LRRTM4: variants seen among roughly 807,000 people sequenced by gnomAD.
The protein encoded by LRRTM4 is leucine rich repeat transmembrane neuronal 4.
A neutral mutation model predicts 47.6 loss-of-function variants in LRRTM4; 25 were observed. That is an observed-to-expected ratio of 0.53 (90% CI 0.38 to 0.73). The LOEUF is 0.73. LRRTM4 is among the 30% of genes least tolerant of loss of function. The pLI is 0.00. For synonymous variants in LRRTM4, 311 were observed against 269.5 expected (o/e 1.15, Z -1.51); for missense variants, 638 against 713.4 (o/e 0.89, Z 1.20).
At chr2:77,471,046 A>G (rs570843400) in intron 3 of LRRTM4, among the ~76,000 whole-genome samples, 2 of 152,008 alleles carry the variant, frequency 1.3e-5, no homozygotes, top group Non-Finnish European at 2.9e-5. Flanking sequence ...CTATGTATCT[A>G]TCTATCTATA....
intron 3 of LRRTM4, among the ~76,000 whole-genome samples, chr2:77,381,020 A>C (rs1339488013): frequency 6.6e-6 from 1 of 152,096 alleles, no homozygotes; most frequent in Non-Finnish European, 1.5e-5. Flanking sequence ...CCTGGTTGTT[A>C]CTATTATGAG....
At chr2:77,500,117 A>G (rs1678516720) in intron 3 of LRRTM4, among the ~76,000 whole-genome samples, 1 of 151,720 alleles carries the variant, frequency 6.6e-6, no homozygotes, top group Non-Finnish European at 1.5e-5. Flanking sequence ...CCTGCAGAAG[A>G]GTCTTCCTAT....
intron 3 of LRRTM4, among the ~76,000 whole-genome samples, chr2:77,480,827 GA>G (rs1677664519): frequency 1.4e-4 from 7 of 51,416 alleles, no homozygotes; most frequent in Non-Finnish European, 2.8e-4. Flanking sequence ...TGTGTGGAGA[GA>G]GAGAGAGAGA....
At chr2:77,282,689 G>A in intron 3 of LRRTM4, among the ~76,000 whole-genome samples, 1 of 151,762 alleles carries the variant, frequency 6.6e-6, no homozygotes, top group East Asian at 1.9e-4. Flanking sequence ...AAAATAAGTT[G>A]AACACCTACA....
chr2:77,114,908 G>A (rs1434591774), intron 3 of LRRTM4, among the ~76,000 whole-genome samples: 1 of 152,126 alleles, frequency 6.6e-6, no homozygotes, highest in East Asian at 1.9e-4. Context: ...GTCCCGCTGT[G>A]CATGCATTGT....
At chr2:77,351,980 T>A (rs1373165193) in intron 3 of LRRTM4, among the ~76,000 whole-genome samples, 1 of 152,120 alleles carries the variant, frequency 6.6e-6, no homozygotes, top group Non-Finnish European at 1.5e-5. Context: ...ATTAATGAAG[T>A]CACCTTCATC....
At chr2:77,475,914 T>C (rs1179545203) in intron 3 of LRRTM4, among the ~76,000 whole-genome samples, 1 of 152,000 alleles carries the variant, frequency 6.6e-6, no homozygotes, top group Non-Finnish European at 1.5e-5. Flanking sequence ...TTAAGATATA[T>C]GACATTTTAT....
In LRRTM4 at chr2:77,213,104, C is replaced by T. The variant is rs561854807; in HGVS notation, c.1551+305214G>A. On this transcript the variant is annotated intron_variant, in intron 3 of 3. Coordinates refer to ENST00000409884, the MANE Select transcript of LRRTM4 (RefSeq NM_001134745.3). The stretch of plus-strand genomic sequence containing the variant: ...GTGGAATAGTAATTTTCCTAGACAG[C>T]AGTTAACAACCGTAAATGTTACCAG... 3.3e-5 allele frequency among the ~76,000 whole-genome samples: 5 copies of T among 152,254 alleles called. No homozygotes were observed. In the South Asian group the frequency reaches 8.3e-4, roughly 25 times the overall value.
intron 3 of LRRTM4, among the ~76,000 whole-genome samples, chr2:76,752,095 A>G (rs554298501): frequency 3.9e-5 from 6 of 152,150 alleles, no homozygotes; most frequent in Non-Finnish European, 5.9e-5. Flanking sequence ...AGCTCTGTCA[A>G]TGGTCTTCAC....
At position 77,477,837 on chromosome 2, in the gene LRRTM4, T is replaced by A. The variant is rs1573467635; in HGVS notation, c.1551+40481A>T. The stretch of plus-strand genomic sequence containing the variant: ...CTGCGCAACAAGGCTGGAGCAAAAC[T>A]CCATCAAAAAAAAAAAAAAGAAAGA... On this transcript the variant is annotated intron_variant, in intron 3 of 3. Coordinates refer to ENST00000409884, the MANE Select transcript of LRRTM4 (RefSeq NM_001134745.3). Among the ~76,000 whole-genome samples the A allele has an allele frequency of 5.4e-5, 2 of 36,982 alleles. 1 individual carries two copies. Among genetic ancestry groups the A allele is most frequent in the Non-Finnish European group, 1.1e-4 (2 of 18,762 alleles). The allele number at this position is 36,982 out of a possible 152,430, so 24.3% of individuals were successfully genotyped here. A position where few individuals can be genotyped will look rare whatever the true frequency, so the allele number is the denominator to read the frequency against.
intron 3 of LRRTM4, among the ~76,000 whole-genome samples, chr2:76,812,880 T>C (rs923893432): frequency 6.7e-6 from 1 of 149,844 alleles, no homozygotes; most frequent in Admixed American, 6.7e-5. Context: ...TAATTATCAT[T>C]AGTGGCCACA....
chr2:76,913,693 C>A (rs952867158), intron 3 of LRRTM4, among the ~76,000 whole-genome samples: 1 of 151,964 alleles, frequency 6.6e-6, no homozygotes, highest in African/African-American at 2.4e-5. Flanking sequence ...GCATGCACCA[C>A]CACACCAGCT....
At chr2:77,407,125 A>T (rs75544851) in intron 3 of LRRTM4, among the ~76,000 whole-genome samples, 2,563 of 152,294 alleles carry the variant, frequency 0.017, 62 homozygotes, top group African/African-American at 0.052. Flanking sequence ...AGGAAACCTT[A>T]CAAAGAATTG....
In LRRTM4 at chr2:77,074,423, A is replaced by T. The variant is rs80283537; in HGVS notation, c.1552-325507T>A. ...TTGAAACTGACTTTATCATTTAGGA[A>T]TTAGTAGTAGTAAGATCATATCTTC... is the stretch of plus-strand genomic sequence containing the variant. On this transcript the variant is annotated intron_variant, in intron 3 of 3. Transcript: ENST00000409884. Among the ~76,000 whole-genome samples, 1,472 of 152,218 alleles carry T rather than the reference A, an allele frequency of 9.7e-3. 26 individuals are homozygous for T. Among genetic ancestry groups the T allele is most frequent in the South Asian group, 0.082 (398 of 4,826 alleles).
At chr2:76,938,220 G>C (rs952460475) in intron 3 of LRRTM4, among the ~76,000 whole-genome samples, 2 of 152,028 alleles carry the variant, frequency 1.3e-5, no homozygotes, top group African/African-American at 2.4e-5. Flanking sequence ...CAAGTACAGA[G>C]AGACTCCAGA....
chr2:76,806,738 G>A (rs1675987305), intron 3 of LRRTM4, among the ~76,000 whole-genome samples: 1 of 151,986 alleles, frequency 6.6e-6, no homozygotes, highest in African/African-American at 2.4e-5. Flanking sequence ...ATGGTGATAA[G>A]ATATTGTAAA....
At chr2:77,300,780 A>G (rs894853763) in intron 3 of LRRTM4, among the ~76,000 whole-genome samples, 4 of 152,104 alleles carry the variant, frequency 2.6e-5, no homozygotes, top group Admixed American at 2.6e-4. Flanking sequence ...CTTTTCTATT[A>G]GCTTCATCCA....
intron 3 of LRRTM4, among the ~76,000 whole-genome samples, chr2:77,471,253 A>G (rs1311054865): frequency 1.3e-5 from 2 of 152,110 alleles, no homozygotes; most frequent in Non-Finnish European, 2.9e-5. Context: ...CTATAGACTC[A>G]TTTATTCCTA....
intron 3 of LRRTM4, among the ~76,000 whole-genome samples, chr2:77,028,145 T>G (rs1573470358): frequency 6.6e-6 from 1 of 152,034 alleles, no homozygotes; most frequent in South Asian, 2.1e-4. Context: ...AAAAATTCAG[T>G]TGGAAAAAGT....
Sources: allele counts gnomAD v4.1 joint callset (sites outside exome capture counted in the v4.1 genomes callset), GRCh38; gene constraint gnomAD v4.1.1; transcripts MANE v1.5; gene names NCBI Gene and HGNC (gene_info 2026-07-23, HGNC 2026-07-21).